The following LSM12 variants were observed in gnomAD, a reference collection of about 807,000 sequenced individuals.
LSM12 encodes the protein LSM12 homolog.
For synonymous variants in LSM12, 74 were observed against 87.3 expected, an observed-to-expected ratio of 0.85 and a Z score of 0.85; for missense variants, 108 against 238.9, an observed-to-expected ratio of 0.45 and a Z score of 3.61.
intron 1 of LSM12, among the ~76,000 whole-genome samples, chr17:44,064,576 A>G (rs1401340927): frequency 6.6e-6 from 1 of 151,846 alleles, no homozygotes; most frequent in Non-Finnish European, 1.5e-5. Flanking sequence ...CTACCAAAAA[A>G]AAAAAAATTA....
chr17:44,059,928 G>C (rs983778454), intron 2 of LSM12, among the ~76,000 whole-genome samples: 13 of 152,124 alleles, frequency 8.5e-5, no homozygotes, highest in African/African-American at 3.1e-4. Flanking sequence ...ACTTTGGGAG[G>C]CCGAGGCGGG....
intron 2 of LSM12, among the ~76,000 whole-genome samples, chr17:44,048,590 G>C (rs530898243): frequency 6.6e-6 from 1 of 151,698 alleles, no homozygotes; most frequent in East Asian, 1.9e-4. Context: ...CAATCAGTTA[G>C]AAGCACTAAC....
At chr17:44,065,475 T>C (rs2049861061) in intron 1 of LSM12, among the ~76,000 whole-genome samples, 1 of 148,564 alleles carries the variant, frequency 6.7e-6, no homozygotes, top group Non-Finnish European at 1.5e-5. Context: ...CATAAAAAAT[T>C]ACTCCTCCAA....
Position 44,034,511 on chromosome 17 carries a change from G to C in LSM12, c.*1697C>G, listed in dbSNP as rs568315722. 1.3e-5 allele frequency: 2 copies of C among 152,300 alleles called. No individual in the cohort carries two copies. The highest frequency in any genetic ancestry group is 3.9e-4 in the East Asian group (2 of 5,190). 9.4% of individuals were successfully genotyped at this position (152,300 alleles called of 1,614,324 possible). A position where few individuals can be genotyped will look rare whatever the true frequency, so the allele number is the denominator to read the frequency against. ...CATTATATTTCTGGATGAGTCCTCG[G>C]GGGTGAAAAGAGAGGGTAAATAGTA... is the stretch of plus-strand genomic sequence containing the variant. On this transcript the variant is annotated 3_prime_UTR_variant, in exon 5 of 5. Coordinates refer to ENST00000293406, the MANE Select transcript of LSM12 (RefSeq NM_001371445.1).
chr17:44,039,269 G>T (rs1384794792), intron 3 of LSM12, among the ~76,000 whole-genome samples: 1 of 151,866 alleles, frequency 6.6e-6, no homozygotes, highest in African/African-American at 2.4e-5. Context: ...TGGTCAGGCT[G>T]GTCTGGAACT....
chr17:44,062,793 C>T (rs1199982807), intron 2 of LSM12, among the ~76,000 whole-genome samples: 1 of 151,692 alleles, frequency 6.6e-6, no homozygotes, highest in Non-Finnish European at 1.5e-5. Flanking sequence ...GAGGCCGAGG[C>T]AAGCAGACTG....
In LSM12 at chr17:44,048,414, G is replaced by A. The variant is rs189506283; in HGVS notation, c.259-8158C>T. 1.8e-3 allele frequency among the ~76,000 whole-genome samples: 271 copies of A among 151,190 alleles called. 2 individuals are homozygous for A. Among genetic ancestry groups the A allele is most frequent in the African/African-American group, 2.6e-3 (106 of 41,148 alleles). On this transcript the variant is annotated intron_variant, in intron 2 of 4. Coordinates refer to ENST00000293406, the MANE Select transcript of LSM12 (RefSeq NM_001371445.1). ...GAGGAATTGCTTGAACCCGGGAGGC[G>A]GAGGTTTCAGTTAGCCGAGCTTGCA...
At chr17:44,036,513 G>A (rs1228247899) in intron 4 of LSM12, among the ~76,000 whole-genome samples, 2 of 152,108 alleles carry the variant, frequency 1.3e-5, no homozygotes, top group African/African-American at 4.8e-5. Context: ...CACTAAGATT[G>A]GCTAGAAGAA....
intron 2 of LSM12, among the ~76,000 whole-genome samples, chr17:44,062,082 C>T (rs1411065268): frequency 3.3e-5 from 5 of 151,978 alleles, no homozygotes; most frequent in African/African-American, 9.7e-5. Flanking sequence ...GTTAGCCGGG[C>T]GTGGTGTCGG....
At chr17:44,066,744 T>A (rs1385603570), upstream of LSM12, 4 of 955,266 alleles carry the variant, frequency 4.2e-6, no homozygotes, top group Admixed American at 1.8e-4. Context: ...CTAGGTGGAG[T>A]GGGAAAGAAG....
At chr17:44,055,721 TAA>T (rs372895925) in intron 2 of LSM12, among the ~76,000 whole-genome samples, 1 of 145,026 alleles carries the variant, frequency 6.9e-6, no homozygotes, top group African/African-American at 2.5e-5. Flanking sequence ...AAAATATATA[TAA>T]AATATATTAT....
rs1254298994 is a variant in LSM12, at chr17:44,055,682, TATATATAAAATATATATATATA to T, written c.258+8097_258+8118del. Among the ~76,000 whole-genome samples the T allele has an allele frequency of 2.4e-3, 343 of 144,836 alleles. 2 individuals carry two copies. The highest frequency in any genetic ancestry group is 8.0e-3 in the African/African-American group (317 of 39,438). Reference sequence around the variant, plus strand: ...AGAGTGAGACCCTGTCTCAAATATATATATATAAAATATATATATATAATATATAAAATATATATAAAATATA... The same window carrying T: ...AGAGTGAGACCCTGTCTCAAATATATATATATAAAATATATATAAAATATA... On this transcript the variant is annotated intron_variant, in intron 2 of 4. Transcript: ENST00000293406.
intron 3 of LSM12, among the ~76,000 whole-genome samples, chr17:44,038,051 G>A (rs1722367396): frequency 6.6e-6 from 1 of 152,066 alleles, no homozygotes; most frequent in African/African-American, 2.4e-5. Context: ...ACCACCTTTA[G>A]AAAGACAGGA....
intron 2 of LSM12, among the ~76,000 whole-genome samples, chr17:44,046,675 AC>A (rs2049570827): frequency 7.5e-6 from 1 of 133,252 alleles, no homozygotes; most frequent in Non-Finnish European, 1.6e-5. Flanking sequence ...GCGCCACTGC[AC>A]TCCAGCCTGG....
At chr17:44,039,479 T>C (rs1266463999) in intron 3 of LSM12, among the ~76,000 whole-genome samples, 1 of 146,910 alleles carries the variant, frequency 6.8e-6, no homozygotes, top group African/African-American at 2.5e-5. Flanking sequence ...CCTCCCGGGT[T>C]CACGCCATTC....
At chr17:44,044,250 A>G (rs2049532738) in intron 2 of LSM12, among the ~76,000 whole-genome samples, 1 of 152,214 alleles carries the variant, frequency 6.6e-6, no homozygotes, top group Non-Finnish European at 1.5e-5. Context: ...GAGAAAATAA[A>G]ATGGATATAA....
At chr17:44,064,063 A>G (rs2049835688) in intron 1 of LSM12, 129 bp from the exon 2 acceptor site, 1 of 978,756 alleles carries the variant, frequency 1.0e-6, no homozygotes. Context: ...AGGGCCTTAT[A>G]AGAATCACGG....
intron 2 of LSM12, among the ~76,000 whole-genome samples, chr17:44,053,310 G>A (rs988541157): frequency 2.6e-5 from 4 of 152,274 alleles, no homozygotes; most frequent in South Asian, 2.1e-4. Context: ...GAGCAAGGTC[G>A]AGTAGATGTG....
chr17:44,039,486 A>G (rs2049460879), intron 3 of LSM12, among the ~76,000 whole-genome samples: 1 of 131,716 alleles, frequency 7.6e-6, no homozygotes, highest in African/African-American at 2.9e-5. Flanking sequence ...GGTTCACGCC[A>G]TTCTCCTGCC....
Sources: gnomAD v4.1 joint callset for allele counts (sites outside exome capture counted in the v4.1 genomes callset) on GRCh38, gnomAD v4.1.1 for gene constraint, MANE v1.5 for transcripts, NCBI Gene and HGNC (gene_info 2026-07-23, HGNC 2026-07-21) for gene names.